Variants in PLEKHG5 observed in about 807,000 individuals in gnomAD.
PLEKHG5 encodes pleckstrin homology domain-containing family G member 5.
A neutral mutation model predicts 103.8 loss-of-function variants in PLEKHG5; 52 were observed. The ratio of observed to expected loss-of-function variants is 0.50; its 90% CI spans 0.40 to 0.63. The LOEUF (loss-of-function observed/expected upper bound fraction) is 0.63, where lower values mean the gene tolerates loss of function less well. Among genes scored for constraint, PLEKHG5 ranks in the 30% least tolerant of loss-of-function variants. The pLI is 0.00. For synonymous variants in PLEKHG5, 592 were observed against 575.5 expected (o/e 1.03, Z -0.41); for missense variants, 1,205 against 1,347.6 (o/e 0.89, Z 1.66).
At chr1:6,474,732 C>T (rs986331882) in intron 5 of PLEKHG5, 145 bp from the exon 6 acceptor site, 4 of 801,348 alleles carry the variant, frequency 5.0e-6, no homozygotes, top group Non-Finnish European at 8.2e-6. Flanking sequence ...CATGGGATCA[C>T]ACGCAGGTCC....
At position 6,472,513 on chromosome 1, in the gene PLEKHG5, C is replaced by T. The variant is rs1569864892; in HGVS notation, c.1080+14G>A. ...GGCAGGGTGGCCACGGGGACCAGCG[C>T]AGCCCCTACTCACGTTGATGATCAC... On this transcript the variant is annotated intron_variant, in intron 10 of 20. Transcript: ENST00000377728. 2 of 1,581,516 alleles carry T rather than the reference C, an allele frequency of 1.3e-6. No homozygotes were observed. The highest frequency in any genetic ancestry group is 1.7e-6 in the Non-Finnish European group (2 of 1,150,860).
Position 6,473,384 on chromosome 1 carries a change from G to A in PLEKHG5, c.662C>T (p.Pro221Leu), listed in dbSNP as rs1319643656. The change falls in exon 8 of 21, where the codon CCC becomes CTC. Residue 221 changes from proline (P) to leucine (L), a missense_variant. Physicochemically the swap from Pro to Leu is moderately conservative, Grantham distance 98 (BLOSUM62 -3). Coordinates refer to ENST00000377728, the MANE Select transcript of PLEKHG5 (RefSeq NM_020631.6). ...GGGCAGAGAGCAGCTGGAGGGCGTGGGGGGCTCCTGCCCGGGGATGCTCGC... is the reference window on the plus strand; with the variant it reads ...GGGCAGAGAGCAGCTGGAGGGCGTGAGGGGCTCCTGCCCGGGGATGCTCGC... The part of the protein sequence containing the change: ...GEASIPGQEP[P>L]TPSSCSLPSG... 6.5e-7 allele frequency: 1 copy of A among 1,547,252 alleles called. No homozygotes were observed. The highest frequency in any genetic ancestry group is 8.7e-7 in the Non-Finnish European group (1 of 1,145,526).
chr1:6,508,224 GA>G lies in PLEKHG5; in HGVS notation c.-165+11220del, dbSNP rs1437613082. Among the ~76,000 whole-genome samples the G allele has an allele frequency of 1.3e-5, 2 of 152,190 alleles. 1 individual carries two copies. The highest frequency in any genetic ancestry group is 2.9e-5 in the Non-Finnish European group (2 of 68,026). On this transcript the variant is annotated intron_variant, in intron 1 of 21. Transcript: ENST00000377740. ...GGCATCCATTTCGGGCTCGGAGGCTGAACCCTCCTGAGGGGCTGCAGCCCTG... is the reference window on the plus strand; with the variant it reads ...GGCATCCATTTCGGGCTCGGAGGCTGACCCTCCTGAGGGGCTGCAGCCCTG...
upstream of PLEKHG5, among the ~76,000 whole-genome samples, chr1:6,496,293 C>G (rs139450855): frequency 6.6e-6 from 1 of 152,252 alleles, no homozygotes; most frequent in African/African-American, 2.4e-5. Flanking sequence ...AGAAGTCCCC[C>G]GACTCCACTG....
chr1:6,468,654 G>A, intron 19 of PLEKHG5, 68 bp from the exon 20 acceptor site: 1 of 1,546,538 alleles, frequency 6.5e-7, no homozygotes, highest in Non-Finnish European at 8.9e-7. Flanking sequence ...CCCCAGGCTG[G>A]GCAATGCACG....
At chr1:6,510,597 G>T (rs925704555) in intron 1 of PLEKHG5, among the ~76,000 whole-genome samples, 1 of 151,488 alleles carries the variant, frequency 6.6e-6, no homozygotes, top group Admixed American at 6.6e-5. Flanking sequence ...CTCCAAAAAA[G>T]AAAAGAATCT....
chr1:6,485,986 C>CA, intron 1 of PLEKHG5: 1 of 795,652 alleles, frequency 1.3e-6, no homozygotes, highest in Non-Finnish European at 1.5e-6. Context: ...CACCCCCCCC[C>CA]ACCTTGGAGA....
chr1:6,494,430 CT>C (rs1189051754), upstream of PLEKHG5, among the ~76,000 whole-genome samples: 2 of 151,658 alleles, frequency 1.3e-5, no homozygotes, highest in Admixed American at 6.6e-5. Flanking sequence ...CACGCCAGGC[CT>C]TTTTTTTAAT....
chr1:6,471,155 G>A (rs1644573491), intron 12 of PLEKHG5, 55 bp from the exon 13 acceptor site: 3 of 1,417,774 alleles, frequency 2.1e-6, no homozygotes, highest in Non-Finnish European at 1.9e-6. Context: ...CCTGCGGGCC[G>A]GCCCGCGCCA....
chr1:6,483,396 T>C (rs1459592011), intron 1 of PLEKHG5, among the ~76,000 whole-genome samples: 1 of 152,190 alleles, frequency 6.6e-6, no homozygotes, highest in East Asian at 1.9e-4. Flanking sequence ...GGTGATGGGA[T>C]TGATCCCTCA....
intron 1 of PLEKHG5, among the ~76,000 whole-genome samples, chr1:6,509,698 G>A (rs1638422138): frequency 6.6e-6 from 1 of 152,202 alleles, no homozygotes; most frequent in African/African-American, 2.4e-5. Flanking sequence ...CCCCGGCAGG[G>A]GAGGGCTTGG....
Position 6,468,191 on chromosome 1 carries a change from AG to A in PLEKHG5, c.2644del (p.Leu882SerfsTer60). 1 of 1,571,738 alleles carries A rather than the reference AG, an allele frequency of 6.4e-7. No individual in the cohort carries two copies. Among genetic ancestry groups the A allele is most frequent in the Non-Finnish European group, 8.6e-7 (1 of 1,156,548 alleles). ...GCCAGCCCCTGCCAGCAGCTGGAGG[AG>A]GCTGGCCTCGGACTTAGACTTGAGC... ...HLLKSKSEAS[L>X]LQLLAGAGTH... On this transcript the variant is annotated frameshift_variant, in exon 20 of 21. Coordinates refer to ENST00000377728, the MANE Select transcript of PLEKHG5 (RefSeq NM_020631.6). LOFTEE classifies it high-confidence loss of function.
Position 6,505,501 on chromosome 1 carries a change from C to T in PLEKHG5, c.-164-8932G>A, listed in dbSNP as rs530544877. On this transcript the variant is annotated intron_variant, in intron 1 of 21. Transcript: ENST00000377740. This position sits in a 1 kb window ranked among gnomAD's most constrained non-coding sequence, Gnocchi z 4.2. ...CCTCTCACCCCCAGGAGCAGTCCAACGTCCCACCCCTCTAAACACAAGCCA... is the reference window on the plus strand; with the variant it reads ...CCTCTCACCCCCAGGAGCAGTCCAATGTCCCACCCCTCTAAACACAAGCCA... 4.6e-5 allele frequency among the ~76,000 whole-genome samples: 7 copies of T among 152,280 alleles called. No individual in the cohort carries two copies. In the South Asian group the frequency reaches 6.2e-4, roughly 14 times the overall value.
At chr1:6,497,589 C>T (rs1282569782), upstream of PLEKHG5, among the ~76,000 whole-genome samples, 2 of 152,148 alleles carry the variant, frequency 1.3e-5, no homozygotes, top group Admixed American at 6.5e-5. The surrounding 1 kb of genome is among the most constrained non-coding windows in gnomAD (Gnocchi z 6.1). Context: ...CTGCCTCCAC[C>T]TCCCGGAGGG....
chr1:6,469,396 G>C lies in PLEKHG5; in HGVS notation c.1988C>G (p.Thr663Arg). 1 of 1,614,156 alleles carries C rather than the reference G, an allele frequency of 6.2e-7. No individual in the cohort carries two copies. Among genetic ancestry groups the C allele is most frequent in the African/African-American group, 1.3e-5 (1 of 75,060 alleles). Residue 663 changes from threonine to arginine, a missense_variant, in exon 18 of 21, where the codon ACG becomes AGG. By Grantham distance (71) the Thr-to-Arg change is moderately conservative. Coordinates refer to ENST00000377728, the MANE Select transcript of PLEKHG5 (RefSeq NM_020631.6). Reference protein sequence around the residue: ...NEFHSAVGAYTFQASGQALCR... With the variant: ...NEFHSAVGAYRFQASGQALCR... The stretch of plus-strand genomic sequence containing the variant: ...CAAGGCCTGGCCACTGGCCTGGAAC[G>C]TGTAGGCCCCTACAGCACTGTGAAA...
rs59798457 is a variant in PLEKHG5, at chr1:6,479,282, CT to C, written c.-87-1625del. ...TGGCATTTGGTTATGTCTGTTTATC[CT>C]TTTTTTTTTTTTTTTTTTTTTGAGA... On this transcript the variant is annotated intron_variant, in intron 1 of 20. Coordinates refer to ENST00000377728, the MANE Select transcript of PLEKHG5 (RefSeq NM_020631.6). 9.6e-3 allele frequency among the ~76,000 whole-genome samples: 1,259 copies of C among 130,904 alleles called. 2 individuals carry two copies. The highest frequency in any genetic ancestry group is 0.016 in the African/African-American group (559 of 34,368). 85.9% of individuals were successfully genotyped at this position (130,904 alleles called of 152,430 possible).
intron 1 of PLEKHG5, among the ~76,000 whole-genome samples, chr1:6,504,811 C>T (rs1380758984): frequency 2.0e-5 from 3 of 152,168 alleles, no homozygotes; most frequent in South Asian, 2.1e-4. Flanking sequence ...CCTCGTGATC[C>T]GCCTGCCTCG....
chr1:6,472,449 A>G, intron 10 of PLEKHG5, 78 bp downstream of exon 10: 1 of 1,047,476 alleles, frequency 9.5e-7, no homozygotes, highest in African/African-American at 1.6e-5. Flanking sequence ...CTCCTTCTGC[A>G]AAGGCTCAGA....
intron 1 of PLEKHG5, chr1:6,485,931 C>A: frequency 1.0e-6 from 1 of 985,506 alleles, no homozygotes; most frequent in Non-Finnish European, 1.2e-6. Context: ...CTTGCTCTTT[C>A]TCCTGGGGAG....
Sources: allele counts gnomAD v4.1 joint callset (sites outside exome capture counted in the v4.1 genomes callset), GRCh38; gene constraint gnomAD v4.1.1; non-coding constraint Gnocchi (gnomAD v3.1); transcripts MANE v1.5; gene names NCBI Gene and HGNC (gene_info 2026-07-23, HGNC 2026-07-21).